NPFFR2: variants seen among roughly 807,000 people sequenced by gnomAD.
The protein encoded by NPFFR2 is neuropeptide FF receptor 2.
Under a neutral mutation model 13.1 loss-of-function variants are expected in NPFFR2, and 15 were observed. The observed-to-expected ratio is 1.15, with a 90% confidence interval of 0.77 to 1.76. The LOEUF is 1.76. Among genes scored for constraint, NPFFR2 ranks in the 40% most tolerant of loss-of-function variants. The pLI, the probability that NPFFR2 is intolerant of heterozygous loss-of-function variation, is 0.00. For missense variants in NPFFR2, 572 were observed against 503.5 expected (o/e 1.14, Z -1.30); for synonymous variants, 190 against 175.7 (o/e 1.08, Z -0.65).
chr4:72,101,225 C>A (rs564669153), intron 1 of NPFFR2, among the ~76,000 whole-genome samples: 1 of 151,896 alleles, frequency 6.6e-6, no homozygotes, highest in Non-Finnish European at 1.5e-5. Context: ...AATTCACATG[C>A]CATACAATTC....
rs144619548 is a variant in NPFFR2 at position 72,117,302 on chromosome 4, C to A, written c.-7-11283C>A. ...TTAATTCCTTTTCTTTTTAACCTTCCTAATTATCCTCATTTTTACATTTAA... is the reference window on the plus strand; with the variant it reads ...TTAATTCCTTTTCTTTTTAACCTTCATAATTATCCTCATTTTTACATTTAA... On this transcript the variant is annotated intron_variant, in intron 1 of 3. Transcript: ENST00000308744. Among the ~76,000 whole-genome samples the A allele has an allele frequency of 3.2e-3, 480 of 152,224 alleles. 5 individuals carry two copies. The highest frequency in any genetic ancestry group is 0.011 in the African/African-American group (453 of 41,548).
At chr4:72,113,366 G>T (rs1721619358) in intron 1 of NPFFR2, among the ~76,000 whole-genome samples, 1 of 151,820 alleles carries the variant, frequency 6.6e-6, no homozygotes, top group Non-Finnish European at 1.5e-5. Context: ...ACTAGCCAGG[G>T]GATAGAAATT....
intron 1 of NPFFR2, among the ~76,000 whole-genome samples, chr4:72,125,921 T>C (rs1722032651): frequency 6.6e-6 from 1 of 152,248 alleles, no homozygotes; most frequent in Non-Finnish European, 1.5e-5. Flanking sequence ...GAAGCCATTA[T>C]GCTGCTGACC....
At chr4:72,051,836 A>G (rs1313824157) in intron 1 of NPFFR2, among the ~76,000 whole-genome samples, 2 of 152,086 alleles carry the variant, frequency 1.3e-5, no homozygotes, top group African/African-American at 2.4e-5. Context: ...CCACAGAAGT[A>G]CAAACTACCA....
At position 72,147,111 on chromosome 4, in the gene NPFFR2, A is replaced by C; in HGVS notation, c.562A>C (p.Lys188Gln). The change falls in exon 4 of 4, where the codon AAA (lysine) becomes CAA (glutamine). Residue 188 changes from lysine to glutamine, a missense_variant. Lys to Gln is a moderately conservative substitution (Grantham distance 53). Coordinates refer to ENST00000308744, the MANE Select transcript of NPFFR2 (RefSeq NM_004885.3). The stretch of plus-strand genomic sequence containing the variant: ...AGTAATGTTACATGTGCAAGAAGAA[A>C]AATATTACCGAGTGAGACTCAACTC... The part of the protein sequence containing the change: ...SAVMLHVQEE[K>Q]YYRVRLNSQN... 6.2e-7 allele frequency: 1 copy of C among 1,614,118 alleles called. No homozygotes were observed. The highest frequency in any genetic ancestry group is 2.2e-5 in the East Asian group (1 of 44,868).
chr4:72,147,611 A>G lies in NPFFR2; in HGVS notation c.1062A>G (p.Gln354=). The change falls in exon 4 of 4, where the codon CAA becomes CAG. Residue 354 remains glutamine, a synonymous_variant. Transcript: ENST00000308744. The part of the protein sequence containing the change: ...FQEAFQLQLC[Q]KRAKPMEAYA... Reference sequence around the variant, plus strand: ...AAGCTTTCCAGCTCCAGCTCTGCCAAAAAAGAGCAAAGCCTATGGAAGCTT... The same window carrying G: ...AAGCTTTCCAGCTCCAGCTCTGCCAGAAAAGAGCAAAGCCTATGGAAGCTT... The G allele has an allele frequency of 1.2e-6, 2 of 1,614,162 alleles. No homozygotes were observed. Among genetic ancestry groups the G allele is most frequent in the Non-Finnish European group, 1.7e-6 (2 of 1,180,024 alleles).
chr4:72,036,553 A>G (rs1433333896), intron 1 of NPFFR2, among the ~76,000 whole-genome samples: 1 of 148,050 alleles, frequency 6.8e-6, no homozygotes, highest in Non-Finnish European at 1.5e-5. Context: ...TATAGTATAT[A>G]TAATGTATAT....
rs113170329 is a variant in NPFFR2, at chr4:72,105,631, G to C, written c.-7-22954G>C. On this transcript the variant is annotated intron_variant, in intron 1 of 3. Transcript: ENST00000308744. ...CACCAGGTTATAGGTTAAATTAATTGTGCTACATCTTATAACAGATCAAGA... is the reference window on the plus strand; with the variant it reads ...CACCAGGTTATAGGTTAAATTAATTCTGCTACATCTTATAACAGATCAAGA... Among the ~76,000 whole-genome samples, 552 of 152,090 alleles carry C rather than the reference G, an allele frequency of 3.6e-3. 6 individuals are homozygous for C. The highest frequency in any genetic ancestry group is 3.9e-3 in the Non-Finnish European group (267 of 67,962).
At chr4:72,095,176 C>T (rs1721028557) in intron 1 of NPFFR2, among the ~76,000 whole-genome samples, 1 of 152,118 alleles carries the variant, frequency 6.6e-6, no homozygotes. Flanking sequence ...AGACGAGTCC[C>T]AAATCCCAAT....
chr4:72,090,382 G>A lies in NPFFR2; in HGVS notation c.-7-38203G>A, dbSNP rs191404354. 2.3e-3 allele frequency among the ~76,000 whole-genome samples: 356 copies of A among 152,120 alleles called. 4 individuals carry two copies. The highest frequency in any genetic ancestry group is 8.1e-3 in the African/African-American group (335 of 41,506). On this transcript the variant is annotated intron_variant, in intron 1 of 3. Transcript: ENST00000308744. Reference sequence around the variant, plus strand: ...AAGATTGATGATGGTATTTTGATGTGAATTGCATTGAATTTATAGATTGCT... The same window carrying A: ...AAGATTGATGATGGTATTTTGATGTAAATTGCATTGAATTTATAGATTGCT...
rs148359221 is a variant in NPFFR2, at chr4:72,096,172, C to A, written c.-7-32413C>A. On this transcript the variant is annotated intron_variant, in intron 1 of 3. Transcript: ENST00000308744. ...TTTACAAAGGTCTGATAAATGCCAG[C>A]AAAATATTAGATGGTGAAACCTTGA... Among the ~76,000 whole-genome samples the A allele has an allele frequency of 3.1e-3, 479 of 152,116 alleles. 5 individuals carry two copies. The highest frequency in any genetic ancestry group is 0.011 in the African/African-American group (452 of 41,492).
At chr4:72,069,673 ATATT>A (rs1434482096) in intron 1 of NPFFR2, among the ~76,000 whole-genome samples, 8 of 152,142 alleles carry the variant, frequency 5.3e-5, no homozygotes, top group Non-Finnish European at 1.0e-4. Context: ...GATTAGAAAA[ATATT>A]TAATGTACAG....
intron 1 of NPFFR2, among the ~76,000 whole-genome samples, chr4:72,044,211 TCTTTC>T (rs1719315105): frequency 6.6e-6 from 1 of 152,186 alleles, no homozygotes; most frequent in Non-Finnish European, 1.5e-5. Flanking sequence ...CAATCAAACC[TCTTTC>T]CTTTATAAAT....
Position 72,081,491 on chromosome 4 carries a change from GT to G in NPFFR2, c.-7-47080del, listed in dbSNP as rs11435353. On this transcript the variant is annotated intron_variant, in intron 1 of 3. Coordinates refer to ENST00000308744, the MANE Select transcript of NPFFR2 (RefSeq NM_004885.3). ...ATGGCTAATAATTGATTTAAGAATT[GT>G]TTTTTTTTTTTTTGAGACTGAGGTC... Among the ~76,000 whole-genome samples the G allele has an allele frequency of 8.2e-3, 1,184 of 143,920 alleles. 8 individuals carry two copies. Among genetic ancestry groups the G allele is most frequent in the African/African-American group, 0.017 (677 of 39,130 alleles). 94.4% of individuals were successfully genotyped at this position (143,920 alleles called of 152,430 possible). A position where few individuals can be genotyped will look rare whatever the true frequency, so the allele number is the denominator to read the frequency against.
intron 1 of NPFFR2, among the ~76,000 whole-genome samples, chr4:72,043,836 G>T (rs1273064665): frequency 6.6e-6 from 1 of 152,178 alleles, no homozygotes; most frequent in Admixed American, 6.5e-5. Context: ...TTAGGGGACT[G>T]TTGGAAGGGC....
intron 1 of NPFFR2, among the ~76,000 whole-genome samples, chr4:72,076,356 T>C (rs1323872745): frequency 1.3e-5 from 2 of 152,088 alleles, no homozygotes; most frequent in Non-Finnish European, 2.9e-5. Flanking sequence ...TCATCTATAT[T>C]ATATATAAAT....
At chr4:72,143,362 A>G (rs1057373706) in intron 3 of NPFFR2, among the ~76,000 whole-genome samples, 1 of 152,194 alleles carries the variant, frequency 6.6e-6, no homozygotes, top group Non-Finnish European at 1.5e-5. Flanking sequence ...CCAATTGTGC[A>G]ATTGGCCATT....
intron 1 of NPFFR2, among the ~76,000 whole-genome samples, chr4:72,062,648 A>G (rs777622953): frequency 3.9e-5 from 6 of 152,108 alleles, no homozygotes; most frequent in Non-Finnish European, 7.4e-5. Context: ...TGGGCTGCAC[A>G]TGTGACTTTT....
Position 72,147,609 on chromosome 4 carries a change from C to CA in NPFFR2, c.1066dup (p.Arg356LysfsTer13). 1 of 1,613,546 alleles carries CA rather than the reference C, an allele frequency of 6.2e-7. No homozygotes were observed. Among genetic ancestry groups the CA allele is most frequent in the Non-Finnish European group, 8.5e-7 (1 of 1,179,888 alleles). On this transcript the variant is annotated frameshift_variant, in exon 4 of 4. Coordinates refer to ENST00000308744, the MANE Select transcript of NPFFR2 (RefSeq NM_004885.3). LOFTEE classifies it low-confidence loss of function (END_TRUNC). ...AGAAGCTTTCCAGCTCCAGCTCTGC[C>CA]AAAAAAGAGCAAAGCCTATGGAAGC...
Sources: gnomAD v4.1 joint callset for allele counts (sites outside exome capture counted in the v4.1 genomes callset) on GRCh38, gnomAD v4.1.1 for gene constraint, MANE v1.5 for transcripts, NCBI Gene and HGNC (gene_info 2026-07-23, HGNC 2026-07-21) for gene names.